Variants in PCDHGB4 observed in about 807,000 individuals in gnomAD.
The protein encoded by PCDHGB4 is protocadherin gamma subfamily B, 4.
Under a neutral mutation model 60.5 loss-of-function variants are expected in PCDHGB4, and 38 were observed. The ratio of observed to expected loss-of-function variants is 0.63; its 90% CI spans 0.48 to 0.82. The LOEUF (loss-of-function observed/expected upper bound fraction) is 0.82, where lower values mean the gene tolerates loss of function less well. Among genes scored for constraint, PCDHGB4 ranks in the 40% least tolerant of loss-of-function variants. PCDHGB4 has a pLI of 0.00. For missense variants in PCDHGB4, 1,109 were observed against 1,209.6 expected (o/e 0.92, Z 1.23); for synonymous variants, 456 against 509.7 (o/e 0.89, Z 1.42).
At chr5:141,400,637 C>T (rs1198861683) in intron 1 of PCDHGB4, 1 of 1,324,714 alleles carries the variant, frequency 7.5e-7, no homozygotes, top group Non-Finnish European at 1.1e-6. Flanking sequence ...GTCAGAGCTG[C>T]TCAGAAAGCT....
chr5:141,390,330 C>T, intron 1 of PCDHGB4, 49 bp downstream of exon 1: 1 of 1,600,608 alleles, frequency 6.2e-7, no homozygotes, highest in Non-Finnish European at 8.5e-7. Flanking sequence ...ACCCATTTCT[C>T]CATATTCACA....
chr5:141,421,964 C>T (rs772274014), intron 1 of PCDHGB4: 3 of 1,611,472 alleles, frequency 1.9e-6, no homozygotes, highest in Non-Finnish European at 1.7e-6. Flanking sequence ...TTTACACAGT[C>T]CGTATATCGC....
chr5:141,492,919 C>A (rs1019663003), intron 1 of PCDHGB4, among the ~76,000 whole-genome samples: 1 of 152,192 alleles, frequency 6.6e-6, no homozygotes, highest in Non-Finnish European at 1.5e-5. Context: ...ATGTGCCCAG[C>A]GATCTAGGGT....
chr5:141,470,828 C>A (rs1328067769), intron 1 of PCDHGB4, among the ~76,000 whole-genome samples: 1 of 151,994 alleles, frequency 6.6e-6, no homozygotes, highest in Non-Finnish European at 1.5e-5. Flanking sequence ...GTTAGGACGA[C>A]AAACACACGC....
chr5:141,423,875 A>G (rs1354115544), intron 1 of PCDHGB4: 8 of 1,282,448 alleles, frequency 6.2e-6, no homozygotes, highest in African/African-American at 3.1e-5. Context: ...TCATTTTTCA[A>G]TCTTGGCATA....
intron 1 of PCDHGB4, among the ~76,000 whole-genome samples, chr5:141,473,916 A>T (rs1014065718): frequency 2.6e-5 from 4 of 152,162 alleles, no homozygotes; most frequent in Non-Finnish European, 4.4e-5. Flanking sequence ...TCTTAAGAAA[A>T]CTATGAGCTG....
chr5:141,490,566 C>T lies in PCDHGB4; in HGVS notation c.2398-4241C>T. 3 of 1,614,132 alleles carry T rather than the reference C, an allele frequency of 1.9e-6. No homozygotes were observed. Among genetic ancestry groups the T allele is most frequent in the Non-Finnish European group, 2.5e-6 (3 of 1,180,028 alleles). On this transcript the variant is annotated intron_variant, in intron 1 of 3. Transcript: ENST00000519479. This position sits in a 1 kb window ranked among gnomAD's most constrained non-coding sequence, Gnocchi z 5.4. ...TACACAAACATCTCACCATCAGGCT[C>T]AACATTTCAGATGTCAATGACAATG...
intron 1 of PCDHGB4, chr5:141,391,690 A>AC (rs1231042361): frequency 6.6e-6 from 1 of 152,236 alleles, no homozygotes; most frequent in African/African-American, 2.4e-5. Flanking sequence ...TTCATCTGCT[A>AC]CGTTGCCCAG....
intron 1 of PCDHGB4, chr5:141,421,696 A>G: frequency 6.2e-7 from 1 of 1,613,886 alleles, no homozygotes; most frequent in Non-Finnish European, 8.5e-7. Context: ...TGCTCTTCCT[A>G]ATGCTAGGGA....
rs1000775080 is a variant in PCDHGB4 at position 141,487,567 on chromosome 5, G to C, written c.2398-7240G>C. 2 of 1,614,168 alleles carry C rather than the reference G, an allele frequency of 1.2e-6. No individual in the cohort carries two copies. The highest frequency in any genetic ancestry group is 1.7e-6 in the Non-Finnish European group (2 of 1,180,036). ...CACCCAGTGCACCTATGGCAGGGGA[G>C]CCTGTTCGCCCAAGCTGCCCACCCT... On this transcript the variant is annotated intron_variant, in intron 1 of 3. Coordinates refer to ENST00000519479, the MANE Select transcript of PCDHGB4 (RefSeq NM_003736.4). The surrounding 1 kb of genome is among the most constrained non-coding windows in gnomAD (Gnocchi z 5.0).
intron 1 of PCDHGB4, chr5:141,433,165 C>T: frequency 2.5e-6 from 4 of 1,613,470 alleles, no homozygotes; most frequent in Non-Finnish European, 2.5e-6. Context: ...TTTCTAAAGA[C>T]AGTCATGGGT....
At position 141,390,096 on chromosome 5, in the gene PCDHGB4, C is replaced by G; in HGVS notation, c.2212C>G (p.Pro738Ala). 6.2e-7 allele frequency: 1 copy of G among 1,614,030 alleles called. No individual in the cohort carries two copies. The highest frequency in any genetic ancestry group is 8.5e-7 in the Non-Finnish European group (1 of 1,179,902). The change falls in exon 1 of 4, where the codon CCC becomes GCC. Residue 738 changes from proline (P) to alanine (A), a missense_variant. Coordinates refer to ENST00000519479, the MANE Select transcript of PCDHGB4 (RefSeq NM_003736.4). ...CTGTGTTAAATCCGAATCCGTGGTT[C>G]CCCCCAACTACAGCGAGGGGACTTT... ...GLCVKSESVV[P>A]PNYSEGTLPY... is the part of the protein sequence containing the mutation.
Position 141,478,407 on chromosome 5 carries a change from C to T in PCDHGB4, c.2398-16400C>T. On this transcript the variant is annotated intron_variant, in intron 1 of 3. Coordinates refer to ENST00000519479, the MANE Select transcript of PCDHGB4 (RefSeq NM_003736.4). The stretch of plus-strand genomic sequence containing the variant: ...CTTTACCATCAGGTGTATCTCACCA[C>T]GGACTCCCGCCGCAGCGACCCGCTG... 1.9e-6 allele frequency: 3 copies of T among 1,613,272 alleles called. No individual in the cohort carries two copies. The highest frequency in any genetic ancestry group is 1.3e-5 in the African/African-American group (1 of 75,072).
At chr5:141,472,980 C>CAAAAAAAAAAAA (rs60579131) in intron 1 of PCDHGB4, among the ~76,000 whole-genome samples, 2 of 86,098 alleles carry the variant, frequency 2.3e-5, no homozygotes, top group African/African-American at 3.9e-5. Context: ...GAGTGAAACT[C>CAAAAAAAAAAAA]AAAAAAAAAA....
rs141514361 is a variant in PCDHGB4, at chr5:141,494,629, A to G, written c.2398-178A>G. 4,666 of 858,664 alleles carry G rather than the reference A, an allele frequency of 5.4e-3. 23 individuals are homozygous for G. Among genetic ancestry groups the G allele is most frequent in the Admixed American group, 0.011 (170 of 16,094 alleles). 53.2% of individuals were successfully genotyped at this position (858,664 alleles called of 1,614,324 possible). On this transcript the variant is annotated intron_variant, in intron 1 of 3. Coordinates refer to ENST00000519479, the MANE Select transcript of PCDHGB4 (RefSeq NM_003736.4). ...TATCTCTTGGTTTCTGGTACCTCAGACCTCTGAGACCTGAGGTGTATTTTG... is the reference window on the plus strand; with the variant it reads ...TATCTCTTGGTTTCTGGTACCTCAGGCCTCTGAGACCTGAGGTGTATTTTG...
intron 1 of PCDHGB4, among the ~76,000 whole-genome samples, chr5:141,480,299 C>T: frequency 7.5e-6 from 1 of 132,466 alleles, no homozygotes; most frequent in Non-Finnish European, 1.6e-5. Flanking sequence ...CCTGTGGTAC[C>T]AGCTACTTGG....
intron 1 of PCDHGB4, among the ~76,000 whole-genome samples, chr5:141,447,779 A>T (rs770299374): frequency 2.0e-5 from 3 of 152,210 alleles, no homozygotes; most frequent in Non-Finnish European, 4.4e-5. Flanking sequence ...ACTTTAATTG[A>T]AAATAAATTT....
At position 141,404,862 on chromosome 5, in the gene PCDHGB4, C is replaced by T. The variant is rs377687399; in HGVS notation, c.2397+14581C>T. ...GCTCGGGCCCTGCTAGATAGAGATG[C>T]GCTCAAACAGAGCCTTGTGGTGGCT... On this transcript the variant is annotated intron_variant, in intron 1 of 3. Coordinates refer to ENST00000519479, the MANE Select transcript of PCDHGB4 (RefSeq NM_003736.4). The T allele has an allele frequency of 2.3e-5, 37 of 1,613,730 alleles. No individual in the cohort carries two copies. The African/African-American group carries it at 2.8e-4, about 12-fold the overall frequency.
chr5:141,395,442 AG>A lies in PCDHGB4; in HGVS notation c.2397+5162del, dbSNP rs1446210907. Reference sequence around the variant, plus strand: ...CATTTGCTTTTAAACGACTTGGAAAAGATTGTTCAACCATTTTAAGCCTTCC... The same window carrying A: ...CATTTGCTTTTAAACGACTTGGAAAAATTGTTCAACCATTTTAAGCCTTCC... On this transcript the variant is annotated intron_variant, in intron 1 of 3. Coordinates refer to ENST00000519479, the MANE Select transcript of PCDHGB4 (RefSeq NM_003736.4). 4 of 667,514 alleles carry A rather than the reference AG, an allele frequency of 6.0e-6. No homozygotes were observed. The East Asian group carries it at 1.2e-4, about 20-fold the overall frequency. 41.3% of individuals were successfully genotyped at this position (667,514 alleles called of 1,614,324 possible).
Sources: gnomAD v4.1 joint callset for allele counts (sites outside exome capture counted in the v4.1 genomes callset) on GRCh38, gnomAD v4.1.1 for gene constraint, Gnocchi (gnomAD v3.1) non-coding constraint, MANE v1.5 for transcripts, NCBI Gene and HGNC (gene_info 2026-07-23, HGNC 2026-07-21) for gene names.